Variants in MPP7 observed in about 807,000 individuals in gnomAD.
MPP7 encodes MAGUK p55 subfamily member 7.
Under a neutral mutation model 76.5 loss-of-function variants are expected in MPP7, and 60 were observed. The observed-to-expected ratio is 0.78, with a 90% CI of 0.64 to 0.97. The LOEUF (loss-of-function observed/expected upper bound fraction) is 0.97. MPP7 is among the 50% of genes least tolerant of loss of function. The probability of loss-of-function intolerance (pLI) is 0.00; values close to 1 mark genes in which losing one functional copy is unlikely to be tolerated. For synonymous variants in MPP7, 237 were observed against 244.5 expected, an observed-to-expected ratio of 0.97 and a Z score of 0.29; for missense variants, 641 against 694.0, an observed-to-expected ratio of 0.92 and a Z score of 0.86.
intron 1 of MPP7, among the ~76,000 whole-genome samples, chr10:28,298,050 T>A (rs925882725): frequency 6.6e-6 from 1 of 152,242 alleles, no homozygotes; most frequent in Non-Finnish European, 1.5e-5. Context: ...AGTATACTAT[T>A]TCCACCACAT....
chr10:28,304,883 A>G (rs1841241912), upstream of MPP7, among the ~76,000 whole-genome samples: 1 of 152,158 alleles, frequency 6.6e-6, no homozygotes, highest in Non-Finnish European at 1.5e-5. Context: ...AGATACTGCA[A>G]TGAACGAGGC....
intron 2 of MPP7, among the ~76,000 whole-genome samples, chr10:28,322,358 T>C (rs1227032391): frequency 6.6e-6 from 1 of 152,108 alleles, no homozygotes; most frequent in East Asian, 1.9e-4. Flanking sequence ...GTTATTAACA[T>C]TTTTCCTGCT....
chr10:28,145,670 CAT>C (rs1564656913), intron 5 of MPP7, among the ~76,000 whole-genome samples: 1 of 152,158 alleles, frequency 6.6e-6, no homozygotes. Context: ...TACAAACTGA[CAT>C]TGCCAAACAA....
At chr10:28,114,089 G>A (rs1455790749) in intron 11 of MPP7, among the ~76,000 whole-genome samples, 1 of 152,170 alleles carries the variant, frequency 6.6e-6, no homozygotes, top group Non-Finnish European at 1.5e-5. Flanking sequence ...TTAGAAAAGT[G>A]ACAAAGGGGA....
intron 3 of MPP7, among the ~76,000 whole-genome samples, chr10:28,154,025 C>A (rs1835968086): frequency 6.6e-6 from 1 of 152,064 alleles, no homozygotes; most frequent in Non-Finnish European, 1.5e-5. Context: ...AAAAGAAAAT[C>A]CATGGGACAC....
At chr10:28,294,996 C>G (rs1243863560) in intron 1 of MPP7, among the ~76,000 whole-genome samples, 1 of 152,140 alleles carries the variant, frequency 6.6e-6, no homozygotes, top group East Asian at 1.9e-4. Context: ...CCTGCAGTGG[C>G]TGTAGCACAT....
At chr10:28,221,856 T>A (rs1838519665) in intron 2 of MPP7, among the ~76,000 whole-genome samples, 1 of 152,188 alleles carries the variant, frequency 6.6e-6, no homozygotes, top group African/African-American at 2.4e-5. Flanking sequence ...TTAATGTGAG[T>A]GCTAGCAAAT....
At chr10:28,112,807 T>G (rs932117802) in intron 11 of MPP7, among the ~76,000 whole-genome samples, 1 of 151,864 alleles carries the variant, frequency 6.6e-6, no homozygotes, top group Non-Finnish European at 1.5e-5. Context: ...CCCAACAATC[T>G]ATGAGTCCAG....
chr10:28,102,474 C>T (rs945620732), intron 11 of MPP7, among the ~76,000 whole-genome samples: 4 of 152,164 alleles, frequency 2.6e-5, no homozygotes, highest in Non-Finnish European at 5.9e-5. Flanking sequence ...TGTACTTTCA[C>T]ACCAGTGATA....
At chr10:28,139,137 C>T (rs11006892) in intron 5 of MPP7, among the ~76,000 whole-genome samples, 23,252 of 152,180 alleles carry the variant, frequency 0.15, 2,352 homozygotes, top group East Asian at 0.5. Context: ...GAGAGCTCCC[C>T]GCTTCTAGTG....
intron 2 of MPP7, among the ~76,000 whole-genome samples, chr10:28,208,599 T>A (rs1255745325): frequency 2.0e-5 from 3 of 152,046 alleles, no homozygotes; most frequent in African/African-American, 7.2e-5. Context: ...AAAAAGCAAA[T>A]AAGAAAACAC....
chr10:28,246,671 CAG>C (rs1472164399), intron 1 of MPP7, among the ~76,000 whole-genome samples: 1 of 152,028 alleles, frequency 6.6e-6, no homozygotes, highest in African/African-American at 2.4e-5. Flanking sequence ...GCGAGACAAA[CAG>C]AGGATAGGGG....
intron 2 of MPP7, among the ~76,000 whole-genome samples, chr10:28,318,399 A>G (rs556179219): frequency 1.5e-4 from 23 of 152,292 alleles, no homozygotes; most frequent in African/African-American, 5.5e-4. Context: ...TTGAAAAGCA[A>G]TAGGGGTCAG....
intron 8 of MPP7, among the ~76,000 whole-genome samples, chr10:28,121,877 T>C (rs1471019288): frequency 2.6e-5 from 4 of 151,722 alleles, no homozygotes; most frequent in Non-Finnish European, 4.4e-5. Flanking sequence ...ACTTTCACTA[T>C]AGTCAATTTC....
intron 1 of MPP7, among the ~76,000 whole-genome samples, chr10:28,271,846 G>A (rs1203650016): frequency 6.6e-6 from 1 of 152,054 alleles, no homozygotes; most frequent in Non-Finnish European, 1.5e-5. Context: ...GTGGTGGCAC[G>A]TGCCTGGAGT....
Position 28,202,237 on chromosome 10 carries a change from C to G in MPP7, c.72G>C (p.Gln24His). The part of the protein sequence containing the change: ...LYELLAALPA[Q>H]LQPHVDSQED... ...CCTGGCTATCCACATGTGGCTGCAG[C>G]TGGGCTGGCAGAGCAGCCAACAGCT... The change falls in exon 3 of 17, where the codon CAG (glutamine) becomes CAC (histidine). Residue 24 changes from glutamine to histidine, a missense_variant. Transcript: ENST00000683449. 1.9e-6 allele frequency: 3 copies of G among 1,613,520 alleles called. No individual in the cohort carries two copies. The highest frequency in any genetic ancestry group is 2.5e-6 in the Non-Finnish European group (3 of 1,179,606).
chr10:28,253,927 C>T (rs984993761), intron 1 of MPP7, among the ~76,000 whole-genome samples: 3 of 133,762 alleles, frequency 2.2e-5, no homozygotes, highest in Admixed American at 1.8e-4. Flanking sequence ...ACCTGGGAGA[C>T]ACAGGTTGCA....
chr10:28,103,905 G>A (rs1444074063), intron 11 of MPP7, among the ~76,000 whole-genome samples: 2 of 152,106 alleles, frequency 1.3e-5, no homozygotes. Context: ...TGCTGGACTT[G>A]CAATACTATT....
chr10:28,186,301 G>A (rs564333732), intron 3 of MPP7, among the ~76,000 whole-genome samples: 124 of 149,026 alleles, frequency 8.3e-4, no homozygotes, highest in Admixed American at 4.6e-3. Context: ...GGCTGAGATC[G>A]CACCACTGCA....
Sources: allele counts gnomAD v4.1 joint callset (sites outside exome capture counted in the v4.1 genomes callset), GRCh38; gene constraint gnomAD v4.1.1; transcripts MANE v1.5; gene names NCBI Gene and HGNC (gene_info 2026-07-23, HGNC 2026-07-21).